Variants in MAP3K13 observed in about 807,000 individuals in gnomAD.
The protein encoded by MAP3K13 is mitogen-activated protein kinase kinase kinase 13, also known as leucine zipper-bearing kinase.
In MAP3K13, 52 loss-of-function variants were observed where a neutral mutation model predicts 104.0. The ratio of observed to expected loss-of-function variants is 0.50; its 90% CI spans 0.40 to 0.63. The LOEUF (loss-of-function observed/expected upper bound fraction) is 0.63. Ranked by LOEUF, MAP3K13 falls within the 20% of genes least tolerant of loss-of-function variation. The pLI is 0.00. For synonymous variants in MAP3K13, 394 were observed against 442.2 expected (o/e 0.89, Z 1.37); for missense variants, 914 against 1,218.5 (o/e 0.75, Z 3.72).
intron 2 of MAP3K13, among the ~76,000 whole-genome samples, chr3:185,293,648 C>T (rs1300483125): frequency 6.6e-6 from 1 of 152,152 alleles, no homozygotes; most frequent in Non-Finnish European, 1.5e-5. Flanking sequence ...TGGTCTTGAA[C>T]TCCTGAGCTC....
In MAP3K13 at chr3:185,339,376, A is replaced by G. The variant is rs79534891; in HGVS notation, c.-86+53733A>G. ...ATGAAATGAAATGAAATAAAATGCT[A>G]TCTCTAGAACAGTGTGTTCTCGAAG... On this transcript the variant is annotated intron_variant, in intron 2 of 14. Transcript: ENST00000424227. 1.4e-3 allele frequency among the ~76,000 whole-genome samples: 212 copies of G among 152,358 alleles called. 1 individual carries two copies. Among genetic ancestry groups the G allele is most frequent in the African/African-American group, 4.9e-3 (203 of 41,578 alleles).
At chr3:185,415,225 T>C (rs531811856) in intron 1 of MAP3K13, among the ~76,000 whole-genome samples, 2 of 152,256 alleles carry the variant, frequency 1.3e-5, no homozygotes, top group Non-Finnish European at 1.5e-5. Context: ...CGATCATGGC[T>C]CACTGCAACC....
chr3:185,399,316 G>A (rs1021942664), intron 1 of MAP3K13, among the ~76,000 whole-genome samples: 114 of 152,092 alleles, frequency 7.5e-4, no homozygotes, highest in African/African-American at 2.6e-3. Context: ...ATATAAAAAT[G>A]ATATGATGCC....
chr3:185,287,710 T>C (rs1371941543), intron 2 of MAP3K13, among the ~76,000 whole-genome samples: 1 of 152,208 alleles, frequency 6.6e-6, no homozygotes, highest in Non-Finnish European at 1.5e-5. Context: ...TTAAAATTAA[T>C]AATGAAGGCT....
chr3:185,391,044 C>CT (rs1712022026), intron 1 of MAP3K13, among the ~76,000 whole-genome samples: 2 of 152,232 alleles, frequency 1.3e-5, no homozygotes, highest in East Asian at 1.9e-4. Context: ...TTTGCCCTTT[C>CT]TTTTTTTGTT....
intron 1 of MAP3K13, among the ~76,000 whole-genome samples, chr3:185,390,623 T>G (rs1711986309): frequency 1.2e-5 from 1 of 83,106 alleles, no homozygotes; most frequent in Non-Finnish European, 2.3e-5. Context: ...CAGTCAGAAT[T>G]TTTTTTTTTT....
intron 7 of MAP3K13, among the ~76,000 whole-genome samples, chr3:185,458,419 C>T (rs921410402): frequency 7.3e-5 from 11 of 150,320 alleles, no homozygotes; most frequent in Admixed American, 1.3e-4. Context: ...GAGTTGCGTA[C>T]GATAGCATAA....
upstream of MAP3K13, among the ~76,000 whole-genome samples, chr3:185,362,662 C>G (rs1234126799): frequency 2.0e-5 from 3 of 152,018 alleles, no homozygotes; most frequent in African/African-American, 7.3e-5. Flanking sequence ...CAAGTCCCGA[C>G]AATTTTGCTT....
intron 1 of MAP3K13, among the ~76,000 whole-genome samples, chr3:185,425,639 G>T (rs1047055000): frequency 6.6e-6 from 1 of 152,072 alleles, no homozygotes; most frequent in Admixed American, 6.5e-5. Flanking sequence ...ATGGCTCTCT[G>T]TTGTCATGAG....
intron 2 of MAP3K13, among the ~76,000 whole-genome samples, chr3:185,435,633 T>C (rs776270927): frequency 1.6e-4 from 25 of 152,214 alleles, no homozygotes; most frequent in Admixed American, 9.8e-4. Context: ...AAACCTTTAA[T>C]ACTGCTCATA....
At chr3:185,435,370 C>T (rs1245814878) in intron 2 of MAP3K13, among the ~76,000 whole-genome samples, 6 of 152,136 alleles carry the variant, frequency 3.9e-5, no homozygotes, top group South Asian at 4.2e-4. Flanking sequence ...AATATGCCAT[C>T]GATATCTGTG....
upstream of MAP3K13, among the ~76,000 whole-genome samples, chr3:185,360,212 C>G (rs1382063775): frequency 6.6e-6 from 1 of 152,120 alleles, no homozygotes; most frequent in African/African-American, 2.4e-5. Context: ...TGGGACTTGG[C>G]TTGATATCTC....
chr3:185,440,335 C>G (rs896202321), intron 3 of MAP3K13, among the ~76,000 whole-genome samples: 1 of 152,150 alleles, frequency 6.6e-6, no homozygotes, highest in Non-Finnish European at 1.5e-5. Flanking sequence ...CGTAAGATCA[C>G]TGTTAGACCG....
rs947320928 is a variant in MAP3K13, at chr3:185,485,258, G to C, written c.*2802G>C. ...ATTCGTTTCAAGAATTGACAACATA[G>C]TTTGCAATCTCCTTCCTGCCAGACC... On this transcript the variant is annotated 3_prime_UTR_variant, in exon 14 of 14. Transcript: ENST00000265026. The C allele has an allele frequency of 6.6e-6, 1 of 152,204 alleles. No homozygotes were observed. Among genetic ancestry groups the C allele is most frequent in the African/African-American group, 2.4e-5 (1 of 41,456 alleles). The allele number at this position is 152,204 out of a possible 1,614,324, so 9.4% of individuals were successfully genotyped here.
chr3:185,455,436 T>TATATATATGAGATATATATC (rs1716503713), intron 7 of MAP3K13, among the ~76,000 whole-genome samples: 1 of 68,508 alleles, frequency 1.5e-5, no homozygotes, highest in Admixed American at 1.8e-4. Context: ...ATATATGAGA[T>TATATATATGAGATATATATC]ATATATATGA....
chr3:185,338,767 G>A lies in MAP3K13; in HGVS notation c.-86+53124G>A, dbSNP rs555173400. ...TTTCCTGCTACATCCTTTAACAGAG[G>A]GAATAATTGTGATGGCAGTTACATG... On this transcript the variant is annotated intron_variant, in intron 2 of 14. Transcript: ENST00000424227. 9.9e-5 allele frequency among the ~76,000 whole-genome samples: 15 copies of A among 151,252 alleles called. No homozygotes were observed. The South Asian group carries it at 1.9e-3, about 19-fold the overall frequency.
At chr3:185,290,630 T>G (rs1339826658) in intron 2 of MAP3K13, among the ~76,000 whole-genome samples, 1 of 152,226 alleles carries the variant, frequency 6.6e-6, no homozygotes, top group Non-Finnish European at 1.5e-5. Context: ...CTGTCTCTAC[T>G]ATTTACCAGC....
chr3:185,445,197 C>G (rs12053946), intron 4 of MAP3K13, among the ~76,000 whole-genome samples: 1 of 151,952 alleles, frequency 6.6e-6, no homozygotes, highest in Non-Finnish European at 1.5e-5. Context: ...GGCTAGGACT[C>G]GAACCTAGAA....
intron 1 of MAP3K13, among the ~76,000 whole-genome samples, chr3:185,426,905 T>C (rs1356003376): frequency 6.6e-6 from 1 of 152,224 alleles, no homozygotes; most frequent in Non-Finnish European, 1.5e-5. Context: ...ATAAGCACTG[T>C]TCTGTCATTT....
Sources: gnomAD v4.1 joint callset for allele counts (sites outside exome capture counted in the v4.1 genomes callset) on GRCh38, gnomAD v4.1.1 for gene constraint, MANE v1.5 for transcripts, NCBI Gene and HGNC (gene_info 2026-07-23, HGNC 2026-07-21) for gene names.